Variants in BTD observed in about 807,000 individuals in gnomAD.
BTD encodes the protein biotinidase.
Under a neutral mutation model 17.7 loss-of-function variants are expected in BTD, and 13 were observed. That is an observed-to-expected ratio of 0.74 (90% CI 0.48 to 1.17). BTD has a LOEUF of 1.17. BTD is among the 50% of genes most tolerant of loss of function. The pLI, the probability that BTD is intolerant of heterozygous loss-of-function variation, is 0.00. For missense variants in BTD, 674 were observed against 650.4 expected (o/e 1.04, Z -0.39); for synonymous variants, 240 against 245.2 (o/e 0.98, Z 0.20).
At chr3:15,712,141 T>G in exon 4 of BTD, 1 of 1,571,120 alleles carries the variant, frequency 6.4e-7, no homozygotes, top group Non-Finnish European at 8.6e-7. Flanking sequence ...TACACTTACC[T>G]GAAGAAAGAA....
At chr3:15,664,928 T>C (rs1418520962) in intron 3 of BTD, among the ~76,000 whole-genome samples, 1 of 150,984 alleles carries the variant, frequency 6.6e-6, no homozygotes, top group Non-Finnish European at 1.5e-5. Flanking sequence ...ACCTGGGTGA[T>C]GAAATAATCT....
chr3:15,693,079 G>A (rs114867052), intron 3 of BTD, among the ~76,000 whole-genome samples: 100 of 152,268 alleles, frequency 6.6e-4, no homozygotes, highest in African/African-American at 2.4e-3. Flanking sequence ...AGGTAGGCTA[G>A]TATTACCAGG....
At chr3:15,613,152 G>A (rs1433998634) in intron 1 of BTD, among the ~76,000 whole-genome samples, 2 of 152,144 alleles carry the variant, frequency 1.3e-5, no homozygotes, top group South Asian at 2.1e-4. Context: ...CTATTGGCTA[G>A]TAACAGAGTA....
intron 3 of BTD, among the ~76,000 whole-genome samples, chr3:15,680,903 G>C (rs890751483): frequency 3.9e-5 from 6 of 152,184 alleles, no homozygotes; most frequent in Non-Finnish European, 5.9e-5. Context: ...CAGAGCTCAA[G>C]TGATCTGCCT....
At chr3:15,639,502 T>C (rs1379461757) in intron 2 of BTD, among the ~76,000 whole-genome samples, 6 of 152,196 alleles carry the variant, frequency 3.9e-5, no homozygotes, top group Non-Finnish European at 8.8e-5. Flanking sequence ...ATGAATTTCC[T>C]AATAGATGCA....
At chr3:15,692,112 C>T (rs1352515573) in intron 3 of BTD, among the ~76,000 whole-genome samples, 1 of 148,622 alleles carries the variant, frequency 6.7e-6, no homozygotes, top group African/African-American at 2.5e-5. Flanking sequence ...TGCAACCCAG[C>T]CTGGGTGACA....
rs2065023216 is a variant in BTD at position 15,624,496 on chromosome 3, T to A, written c.-16-10928T>A. Among the ~76,000 whole-genome samples the A allele has an allele frequency of 1.3e-5, 2 of 152,348 alleles. 1 individual carries two copies. The highest frequency in any genetic ancestry group is 1.3e-4 in the Admixed American group (2 of 15,300). The stretch of plus-strand genomic sequence containing the variant: ...CCTTCCTCAGCCATGTCCAATCTAC[T>A]AATGAATCCATTAAAGTGATTCTTC... On this transcript the variant is annotated intron_variant, in intron 1 of 3. Transcript: ENST00000643237.
At chr3:15,670,693 T>C in intron 3 of BTD, 3 of 918,254 alleles carry the variant, frequency 3.3e-6, no homozygotes, top group Non-Finnish European at 4.8e-6. Context: ...GTAACCAGCA[T>C]GATTCGCAAG....
At position 15,643,027 on chromosome 3, in the gene BTD, C is replaced by CAA. The variant is rs200265982; in HGVS notation, c.399+986_399+987dup. On this transcript the variant is annotated intron_variant, in intron 3 of 3. Transcript: ENST00000643237. ...GGACAACAGGAGCAAAACTCTGCCT[C>CAA]AAAAAAAAAAAAAAAAATAAAATAA... 2.2e-3 allele frequency among the ~76,000 whole-genome samples: 221 copies of CAA among 99,202 alleles called. 1 individual carries two copies. The highest frequency in any genetic ancestry group is 8.8e-3 in the African/African-American group (179 of 20,292). The allele number at this position is 99,202 out of a possible 152,430, so 65.1% of individuals were successfully genotyped here.
intron 3 of BTD, among the ~76,000 whole-genome samples, chr3:15,702,713 T>C (rs1476600173): frequency 6.6e-6 from 1 of 152,096 alleles, no homozygotes; most frequent in Non-Finnish European, 1.5e-5. Flanking sequence ...GTCAGAGCCC[T>C]GGGTAAGGAC....
At chr3:15,676,805 G>A in intron 3 of BTD, 2 of 471,698 alleles carry the variant, frequency 4.2e-6, no homozygotes, top group Admixed American at 3.8e-5. Context: ...AAATAATATG[G>A]CTTTTAGTTG....
At chr3:15,682,008 T>C (rs1462098701) in intron 3 of BTD, among the ~76,000 whole-genome samples, 2 of 152,078 alleles carry the variant, frequency 1.3e-5, no homozygotes, top group Non-Finnish European at 2.9e-5. Flanking sequence ...TTGTCCATTG[T>C]TGACTTAAGA....
At chr3:15,697,001 A>G (rs1355642063) in intron 3 of BTD, among the ~76,000 whole-genome samples, 1 of 152,242 alleles carries the variant, frequency 6.6e-6, no homozygotes, top group East Asian at 1.9e-4. Context: ...TGTTTATAGC[A>G]GTACAATTCG....
At chr3:15,713,399 A>G (rs1348112648), downstream of BTD, 3 of 670,052 alleles carry the variant, frequency 4.5e-6, no homozygotes, top group South Asian at 3.9e-5. Flanking sequence ...AATACAAAAG[A>G]AAGTTCAAGC....
intron 1 of BTD, among the ~76,000 whole-genome samples, chr3:15,629,106 T>C (rs2065140901): frequency 6.6e-6 from 1 of 152,208 alleles, no homozygotes; most frequent in Admixed American, 6.5e-5. Context: ...GTAGAAATAC[T>C]TTGAAATCTG....
At chr3:15,611,493 A>G (rs979850559) in intron 1 of BTD, among the ~76,000 whole-genome samples, 4 of 151,946 alleles carry the variant, frequency 2.6e-5, no homozygotes, top group Admixed American at 2.6e-4. Flanking sequence ...CATTAGGATT[A>G]TTTTTTCCTT....
chr3:15,670,959 TAAAA>T (rs1380925298), intron 3 of BTD, among the ~76,000 whole-genome samples: 1 of 152,134 alleles, frequency 6.6e-6, no homozygotes, highest in African/African-American at 2.4e-5. Flanking sequence ...TAAGAAAAAA[TAAAA>T]AAATTTAATT....
At chr3:15,670,105 C>T in intron 3 of BTD, 1 of 712,744 alleles carries the variant, frequency 1.4e-6, no homozygotes, top group Admixed American at 3.0e-5. Flanking sequence ...TTTTGTAAAA[C>T]TTGCCTTTAA....
intron 3 of BTD, among the ~76,000 whole-genome samples, chr3:15,681,257 A>G (rs1332854416): frequency 1.3e-5 from 2 of 152,222 alleles, no homozygotes; most frequent in Non-Finnish European, 2.9e-5. Context: ...GGGAATAATG[A>G]CAAAAAAAAA....
Sources: gnomAD v4.1 joint callset for allele counts (sites outside exome capture counted in the v4.1 genomes callset) on GRCh38, gnomAD v4.1.1 for gene constraint, MANE v1.5 for transcripts, NCBI Gene and HGNC (gene_info 2026-07-23, HGNC 2026-07-21) for gene names.